The following CACNA1E variants were observed in gnomAD, a reference collection of about 807,000 sequenced individuals.
CACNA1E encodes calcium voltage-gated channel subunit alpha1 E, also known as voltage-dependent R-type calcium channel subunit alpha-1E.
In CACNA1E, 40 loss-of-function variants were observed where a neutral mutation model predicts 259.2. The observed-to-expected ratio is 0.15, with a 90% CI of 0.12 to 0.20. The LOEUF (loss-of-function observed/expected upper bound fraction) is 0.20. Ranked by LOEUF, CACNA1E falls within the 10% of genes least tolerant of loss-of-function variation. The pLI is 1.00. For missense variants in CACNA1E, 1,874 were observed against 3,040.1 expected, an observed-to-expected ratio of 0.62 and a Z score of 9.02; for synonymous variants, 1,104 against 1,138.5, an observed-to-expected ratio of 0.97 and a Z score of 0.61.
chr1:181,604,161 G>A (rs182081994), intron 6 of CACNA1E, among the ~76,000 whole-genome samples: 10 of 152,286 alleles, frequency 6.6e-5, no homozygotes, highest in African/African-American at 1.4e-4. Flanking sequence ...CAGTCTTCAA[G>A]TTCCATTGCT....
intron 21 of CACNA1E, among the ~76,000 whole-genome samples, chr1:181,735,141 G>A (rs1655918699): frequency 6.6e-6 from 1 of 152,164 alleles, no homozygotes; most frequent in African/African-American, 2.4e-5. Flanking sequence ...ACTTCAGAAA[G>A]TGCAATCTCC....
intron 7 of CACNA1E, among the ~76,000 whole-genome samples, chr1:181,692,093 TA>T (rs1316738126): frequency 6.6e-6 from 1 of 151,974 alleles, no homozygotes; most frequent in Non-Finnish European, 1.5e-5. Flanking sequence ...TACCTAGCAA[TA>T]CATCTGCCAA....
At chr1:181,416,501 C>T (rs928820292) in intron 2 of CACNA1E, among the ~76,000 whole-genome samples, 1 of 152,148 alleles carries the variant, frequency 6.6e-6, no homozygotes, top group Admixed American at 6.5e-5. Flanking sequence ...CTTTGGGGCA[C>T]GGTTTCACTA....
intron 1 of CACNA1E, among the ~76,000 whole-genome samples, chr1:181,337,234 C>A (rs984329353): frequency 6.6e-6 from 1 of 151,386 alleles, no homozygotes; most frequent in Non-Finnish European, 1.5e-5. Flanking sequence ...CGGCTCACTG[C>A]AAGCTCCTCC....
At chr1:181,347,796 A>C (rs1652720754) in intron 1 of CACNA1E, among the ~76,000 whole-genome samples, 1 of 152,254 alleles carries the variant, frequency 6.6e-6, no homozygotes, top group Admixed American at 6.5e-5. Flanking sequence ...CTTCACCACG[A>C]GGAGTTTTTC....
intron 15 of CACNA1E, 107 bp from the exon 16 acceptor site, chr1:181,721,651 C>A: frequency 9.0e-6 from 5 of 557,526 alleles, no homozygotes; most frequent in South Asian, 3.3e-5. Flanking sequence ...GATTGTCAAG[C>A]AAGGGGGTAG....
chr1:181,533,584 A>T (rs1008068155), intron 3 of CACNA1E, among the ~76,000 whole-genome samples: 1 of 150,188 alleles, frequency 6.7e-6, no homozygotes. Context: ...AATCTTAGCC[A>T]TTATAATTTC....
intron 3 of CACNA1E, among the ~76,000 whole-genome samples, chr1:181,550,866 TAA>T (rs906137884): frequency 3.3e-5 from 5 of 152,070 alleles, no homozygotes; most frequent in African/African-American, 1.2e-4. Flanking sequence ...AGGCCGAGTG[TAA>T]AGGATCGGTG....
intron 3 of CACNA1E, among the ~76,000 whole-genome samples, chr1:181,516,645 C>T (rs1446965485): frequency 2.0e-5 from 3 of 152,208 alleles, no homozygotes; most frequent in Non-Finnish European, 2.9e-5. Flanking sequence ...GCAATTTAGT[C>T]TCCTTTCCCT....
At chr1:181,443,700 A>T (rs1414463860) in intron 2 of CACNA1E, among the ~76,000 whole-genome samples, 2 of 152,194 alleles carry the variant, frequency 1.3e-5, no homozygotes, top group Non-Finnish European at 2.9e-5. Flanking sequence ...CAGATAAGGT[A>T]ATACTGAGGC....
chr1:181,755,420 A>C (rs765647478), intron 28 of CACNA1E, 23 bp downstream of exon 28: 34 of 1,606,864 alleles, frequency 2.1e-5, no homozygotes, highest in Non-Finnish European at 2.9e-5. Context: ...AGCGCATTCC[A>C]CTTGATTTTG....
chr1:181,649,767 C>T (rs1182985386), intron 6 of CACNA1E, among the ~76,000 whole-genome samples: 5 of 152,152 alleles, frequency 3.3e-5, no homozygotes, highest in Non-Finnish European at 7.3e-5. Flanking sequence ...CGACCAAATA[C>T]TGCATGTTCT....
chr1:181,672,281 G>A (rs1479294116), intron 7 of CACNA1E, among the ~76,000 whole-genome samples: 1 of 152,048 alleles, frequency 6.6e-6, no homozygotes, highest in South Asian at 2.1e-4. Context: ...CATAACTATT[G>A]GGTACTAAGT....
chr1:181,581,315 C>T (rs956772276), intron 6 of CACNA1E, among the ~76,000 whole-genome samples: 2 of 152,124 alleles, frequency 1.3e-5, no homozygotes, highest in African/African-American at 4.8e-5. Context: ...TAAAAAGCTT[C>T]CTATCTGATT....
At chr1:181,665,209 G>A (rs187062859) in intron 7 of CACNA1E, among the ~76,000 whole-genome samples, 1 of 151,818 alleles carries the variant, frequency 6.6e-6, no homozygotes, top group Non-Finnish European at 1.5e-5. Flanking sequence ...GTACATATCT[G>A]TGTATATATA....
upstream of CACNA1E, among the ~76,000 whole-genome samples, chr1:181,482,226 G>A (rs547750624): frequency 6.6e-6 from 1 of 152,326 alleles, no homozygotes; most frequent in South Asian, 2.1e-4. Context: ...CGGCCATGGC[G>A]CTAGGCGCGC....
At chr1:181,441,212 A>G (rs370759893) in intron 2 of CACNA1E, among the ~76,000 whole-genome samples, 2 of 152,086 alleles carry the variant, frequency 1.3e-5, no homozygotes, top group Admixed American at 6.5e-5. Flanking sequence ...CAGTGGCGCA[A>G]TCTCGGCTCA....
At chr1:181,667,358 A>C (rs1455985892) in intron 7 of CACNA1E, among the ~76,000 whole-genome samples, 2 of 152,170 alleles carry the variant, frequency 1.3e-5, no homozygotes, top group Non-Finnish European at 2.9e-5. Context: ...TGATCCCAAG[A>C]TTCAGTTGCA....
At chr1:181,626,070 A>C (rs904613063) in intron 6 of CACNA1E, among the ~76,000 whole-genome samples, 58 of 152,214 alleles carry the variant, frequency 3.8e-4, no homozygotes, top group Non-Finnish European at 8.1e-4. Flanking sequence ...TCAATTAAGC[A>C]TACCAACTTA....
Sources: gnomAD v4.1 joint callset for allele counts (sites outside exome capture counted in the v4.1 genomes callset) on GRCh38, gnomAD v4.1.1 for gene constraint, MANE v1.5 for transcripts, NCBI Gene and HGNC (gene_info 2026-07-23, HGNC 2026-07-21) for gene names.